Variants in CAPG observed in about 807,000 individuals in gnomAD.
The protein encoded by CAPG is macrophage-capping protein.
Under a neutral mutation model 44.6 loss-of-function variants are expected in CAPG, and 32 were observed. The observed-to-expected ratio is 0.72, with a 90% CI of 0.54 to 0.96. The LOEUF (loss-of-function observed/expected upper bound fraction) is 0.96. CAPG is among the 50% of genes least tolerant of loss of function. The pLI, the probability that CAPG is intolerant of heterozygous loss-of-function variation, is 0.00. For missense variants in CAPG, 412 were observed against 438.3 expected (o/e 0.94, Z 0.54); for synonymous variants, 175 against 179.6 (o/e 0.97, Z 0.20).
chr2:85,398,806 G>A, intron 6 of CAPG, 24 bp from the exon 7 acceptor site: 3 of 1,539,746 alleles, frequency 1.9e-6, no homozygotes, highest in African/African-American at 1.4e-5. Context: ...GGCAGGCCAG[G>A]TTTATAGGGA....
chr2:85,401,855 G>A lies in CAPG; in HGVS notation c.126C>T (p.Phe42=). Residue 42 remains phenylalanine (F), a synonymous_variant, in exon 3 of 10, where the codon TTC becomes TTT. Coordinates refer to ENST00000263867, the MANE Select transcript of CAPG (RefSeq NM_001747.4). ...VPVAQENQGV[F]FSGDSYLVLH... ...GCACTAGGTAGGAGTCCCCCGAGAA[G>A]AAGACGCCCTGGTTCTCTTGCGCCA... The A allele has an allele frequency of 6.2e-7, 1 of 1,614,114 alleles. No homozygotes were observed. Among genetic ancestry groups the A allele is most frequent in the Non-Finnish European group, 8.5e-7 (1 of 1,180,016 alleles).
At chr2:85,417,243 AT>A (rs1687574979) in intron 1 of CAPG, among the ~76,000 whole-genome samples, 2 of 152,182 alleles carry the variant, frequency 1.3e-5, no homozygotes, top group East Asian at 3.9e-4. Flanking sequence ...TGATTTTCTC[AT>A]TTAATCCTTG....
Position 85,401,297 on chromosome 2 carries a change from G to A in CAPG, c.384C>T (p.Thr128=). Residue 128 remains threonine, a synonymous_variant, in exon 5 of 10, where the codon ACC becomes ACT. Coordinates refer to ENST00000263867, the MANE Select transcript of CAPG (RefSeq NM_001747.4). ...TGATGGCAGCTGGGGCTCCTGTGGA[G>A]GTCTTGTGAAATGCTGACTCCACAC... ...EGGVESAFHK[T]STGAPAAIKK... The A allele has an allele frequency of 4.3e-6, 7 of 1,614,170 alleles. No homozygotes were observed. Among genetic ancestry groups the A allele is most frequent in the Middle Eastern group, 1.6e-4 (1 of 6,062 alleles).
Position 85,398,623 on chromosome 2 carries a change from G to A in CAPG, c.759+67C>T, listed in dbSNP as rs1369142265. On this transcript the variant is annotated intron_variant, in intron 7 of 9. Coordinates refer to ENST00000263867, the MANE Select transcript of CAPG (RefSeq NM_001747.4). The stretch of plus-strand genomic sequence containing the variant: ...CTTCTCCCCTCCACCCTGCTTGCAT[G>A]CAGCTGTGCTGTGCAGGCTCCCACC... 5 of 1,292,640 alleles carry A rather than the reference G, an allele frequency of 3.9e-6. No individual in the cohort carries two copies. In the African/African-American group the frequency reaches 4.4e-5, roughly 11 times the overall value. The allele number at this position is 1,292,640 out of a possible 1,614,324, so 80.1% of individuals were successfully genotyped here.
At chr2:85,407,712 C>CAAA (rs60228110) in intron 1 of CAPG, among the ~76,000 whole-genome samples, 24 of 91,120 alleles carry the variant, frequency 2.6e-4, no homozygotes, top group East Asian at 6.6e-4. Context: ...GACTCTGTCT[C>CAAA]AAAAAAAAAA....
intron 9 of CAPG, 37 bp from the exon 10 acceptor site, chr2:85,394,995 G>T: frequency 6.8e-7 from 1 of 1,473,498 alleles, no homozygotes; most frequent in Non-Finnish European, 9.5e-7. Context: ...GGTTCACAAA[G>T]TTGCCACCTC....
At chr2:85,392,922 C>T (rs1686437819), downstream of CAPG, among the ~76,000 whole-genome samples, 1 of 152,130 alleles carries the variant, frequency 6.6e-6, no homozygotes, top group Non-Finnish European at 1.5e-5. Flanking sequence ...ACAGAGTACT[C>T]ACAGCTTCAG....
chr2:85,398,795 G>A lies in CAPG; in HGVS notation c.667-13C>T. ...TGGGGCCCAGGACCTGCAGGGGCCA[G>A]GGCAGGCCAGGTTTATAGGGACCCC... On this transcript the variant is annotated splice_polypyrimidine_tract_variant and intron_variant, in intron 6 of 9. Transcript: ENST00000263867. 1 of 1,582,084 alleles carries A rather than the reference G, an allele frequency of 6.3e-7. No homozygotes were observed. Among genetic ancestry groups the A allele is most frequent in the South Asian group, 1.1e-5 (1 of 87,474 alleles).
intron 1 of CAPG, among the ~76,000 whole-genome samples, chr2:85,407,702 G>A (rs1193820812): frequency 2.7e-5 from 3 of 110,334 alleles, no homozygotes; most frequent in Non-Finnish European, 5.1e-5. Flanking sequence ...GACAGAGTGA[G>A]ACTCTGTCTC....
chr2:85,394,213 A>C (rs1686483532), downstream of CAPG, among the ~76,000 whole-genome samples: 2 of 152,248 alleles, frequency 1.3e-5, no homozygotes, highest in South Asian at 4.1e-4. Context: ...CTAGCAAAGG[A>C]AAGTAACTTG....
intron 1 of CAPG, among the ~76,000 whole-genome samples, chr2:85,406,141 A>G (rs948231072): frequency 3.9e-5 from 6 of 151,924 alleles, no homozygotes; most frequent in Admixed American, 3.3e-4. Context: ...GTCTCTACTA[A>G]AAGCACAAAA....
At chr2:85,405,805 G>A (rs72831558) in intron 1 of CAPG, among the ~76,000 whole-genome samples, 13,195 of 152,206 alleles carry the variant, frequency 0.087, 614 homozygotes, top group South Asian at 0.16. Flanking sequence ...CACATGCTGT[G>A]CCCACATCCC....
At position 85,395,050 on chromosome 2, in the gene CAPG, G is replaced by T; in HGVS notation, c.982-92C>A. The T allele has an allele frequency of 1.2e-6, 1 of 852,530 alleles. No individual in the cohort carries two copies. Among genetic ancestry groups the T allele is most frequent in the African/African-American group, 1.7e-5 (1 of 59,482 alleles). The allele number at this position is 852,530 out of a possible 1,614,324, so 52.8% of individuals were successfully genotyped here. Reference sequence around the variant, plus strand: ...AGGAGGGGGCCAGAGCCAGGGAGGAGGGTGTGGGCGCCTGGCCTGAATCCA... The same window carrying T: ...AGGAGGGGGCCAGAGCCAGGGAGGATGGTGTGGGCGCCTGGCCTGAATCCA... On this transcript the variant is annotated intron_variant, in intron 9 of 9. Transcript: ENST00000263867. The surrounding 1 kb of genome is among the most constrained non-coding windows in gnomAD (Gnocchi z 4.3).
chr2:85,394,776 A>C lies in CAPG; in HGVS notation c.*117T>G. The stretch of plus-strand genomic sequence containing the variant: ...GGTGCAGGAAAAGAGCTGGGAAAGC[A>C]CTTGTCTCCTTTATTGAACATCTGC... On this transcript the variant is annotated 3_prime_UTR_variant, in exon 10 of 10. Coordinates refer to ENST00000263867, the MANE Select transcript of CAPG (RefSeq NM_001747.4). The C allele has an allele frequency of 1.3e-6, 1 of 781,540 alleles. No individual in the cohort carries two copies. The highest frequency in any genetic ancestry group is 1.9e-5 in the Admixed American group (1 of 53,252). The allele number at this position is 781,540 out of a possible 1,614,324, so 48.4% of individuals were successfully genotyped here. A position where few individuals can be genotyped will look rare whatever the true frequency, so the allele number is the denominator to read the frequency against.
At position 85,395,605 on chromosome 2, in the gene CAPG, T is replaced by C. The variant is rs1296945452; in HGVS notation, c.914A>G (p.Glu305Gly). 6.2e-7 allele frequency: 1 copy of C among 1,613,950 alleles called. No individual in the cohort carries two copies. The highest frequency in any genetic ancestry group is 2.2e-5 in the East Asian group (1 of 44,890). Residue 305 changes from glutamate to glycine, a missense_variant, in exon 9 of 10, where the codon GAG becomes GGG. Transcript: ENST00000263867. The surrounding 1 kb of genome is among the most constrained non-coding windows in gnomAD (Gnocchi z 4.3). ...IWKGRKANEK[E>G]RQAALQVAEG... ...GGCCACCTGCAGGGCTGCCTGCCGC[T>C]CCTTCTCATTCGCTTTTCGCCCTAG...
intron 1 of CAPG, among the ~76,000 whole-genome samples, chr2:85,405,498 G>C (rs1347467137): frequency 1.3e-5 from 2 of 152,100 alleles, no homozygotes; most frequent in Non-Finnish European, 2.9e-5. Context: ...AGATTCTTGG[G>C]GGCTGGGGCA....
chr2:85,406,589 T>C (rs1395562368), intron 1 of CAPG, among the ~76,000 whole-genome samples: 6 of 152,132 alleles, frequency 3.9e-5, no homozygotes, highest in Non-Finnish European at 5.9e-5. Context: ...CCGGGCACAG[T>C]GGCTCATGCC....
At chr2:85,409,078 C>CACT (rs1687304792) in intron 1 of CAPG, among the ~76,000 whole-genome samples, 1 of 152,124 alleles carries the variant, frequency 6.6e-6, no homozygotes, top group South Asian at 2.1e-4. Context: ...CGCCTACCTC[C>CACT]ACTACTACAC....
intron 1 of CAPG, among the ~76,000 whole-genome samples, chr2:85,403,484 C>A (rs1687000907): frequency 1.3e-5 from 2 of 152,228 alleles, no homozygotes; most frequent in Admixed American, 1.3e-4. Flanking sequence ...CAGAACACTT[C>A]TCAATTCATC....
Sources: allele counts gnomAD v4.1 joint callset (sites outside exome capture counted in the v4.1 genomes callset), GRCh38; gene constraint gnomAD v4.1.1; non-coding constraint Gnocchi (gnomAD v3.1); transcripts MANE v1.5; gene names NCBI Gene and HGNC (gene_info 2026-07-23, HGNC 2026-07-21).